Variants in ENTREP2 observed in about 807,000 individuals in gnomAD.
The protein encoded by ENTREP2 is endosomal transmembrane epsin interactor 2.
At chr15:29,641,336 AG>A in the ENTREP2 span, among the ~76,000 whole-genome samples, 1 of 152,208 alleles carries the variant, frequency 6.6e-6, no homozygotes, top group African/African-American at 2.4e-5. Flanking sequence ...ATGAAACAAA[AG>A]TCATCAAAAT....
chr15:29,482,454 T>C, the ENTREP2 span, among the ~76,000 whole-genome samples: 60 of 152,188 alleles, frequency 3.9e-4, no homozygotes, highest in Non-Finnish European at 7.2e-4. Flanking sequence ...CATTGTAGTA[T>C]CTTAAGAGAC....
At chr15:29,570,516 C>T in the ENTREP2 span, 2 of 1,410,668 alleles carry the variant, frequency 1.4e-6, no homozygotes, top group Non-Finnish European at 1.9e-6. Flanking sequence ...GAGAAGCCTG[C>T]CCAGAAGGGG....
the ENTREP2 span, among the ~76,000 whole-genome samples, chr15:29,344,963 C>T: frequency 6.6e-6 from 1 of 151,696 alleles, no homozygotes; most frequent in East Asian, 1.9e-4. Context: ...CACACACACA[C>T]ACACACACGT....
the ENTREP2 span, chr15:29,452,681 T>A: frequency 6.6e-6 from 1 of 152,230 alleles, no homozygotes; most frequent in South Asian, 2.1e-4. Context: ...TCTGCAAGCA[T>A]GCTGCCCAAA....
chr15:29,521,069 G>C, the ENTREP2 span, among the ~76,000 whole-genome samples: 3 of 152,170 alleles, frequency 2.0e-5, no homozygotes, highest in South Asian at 4.1e-4. Flanking sequence ...TGGAGGCACT[G>C]TTGGTTGTCC....
At chr15:29,281,619 C>A in the ENTREP2 span, among the ~76,000 whole-genome samples, 2 of 152,312 alleles carry the variant, frequency 1.3e-5, no homozygotes, top group East Asian at 3.9e-4. Flanking sequence ...GATTCTAGGT[C>A]CTTGAATTTG....
chr15:29,245,467 T>A, the ENTREP2 span, among the ~76,000 whole-genome samples: 6 of 151,564 alleles, frequency 4.0e-5, no homozygotes, highest in Middle Eastern at 6.8e-3. Flanking sequence ...AATACGTAAA[T>A]GAATAAAACC....
the ENTREP2 span, among the ~76,000 whole-genome samples, chr15:29,160,021 G>A: frequency 6.6e-5 from 10 of 152,340 alleles, no homozygotes; most frequent in East Asian, 5.8e-4. Flanking sequence ...CCACGGAGAC[G>A]GGGGAGGCTC....
At chr15:29,411,475 A>C in the ENTREP2 span, among the ~76,000 whole-genome samples, 1 of 152,234 alleles carries the variant, frequency 6.6e-6, no homozygotes, top group Non-Finnish European at 1.5e-5. Flanking sequence ...TTGACCCTAC[A>C]TATGCCCACT....
At chr15:29,254,310 T>G in the ENTREP2 span, among the ~76,000 whole-genome samples, 1 of 152,198 alleles carries the variant, frequency 6.6e-6, no homozygotes, top group African/African-American at 2.4e-5. Flanking sequence ...CTGATAGTTG[T>G]ATAAAACTGA....
the ENTREP2 span, among the ~76,000 whole-genome samples, chr15:29,150,785 A>G: frequency 6.6e-6 from 1 of 152,164 alleles, no homozygotes. Context: ...GGTGAATGAC[A>G]AAGAAGAGCA....
chr15:29,234,683 T>C, the ENTREP2 span: 15 of 1,561,070 alleles, frequency 9.6e-6, no homozygotes, highest in African/African-American at 4.1e-5. Context: ...GTAAGGGTCA[T>C]TGGGTACAGT....
At chr15:29,171,923 T>A in the ENTREP2 span, among the ~76,000 whole-genome samples, 336 of 152,292 alleles carry the variant, frequency 2.2e-3, 3 homozygotes, top group African/African-American at 7.5e-3. Flanking sequence ...TAGAAACCAA[T>A]ACTGACAGAG....
At chr15:29,620,707 A>G in the ENTREP2 span, among the ~76,000 whole-genome samples, 8 of 152,104 alleles carry the variant, frequency 5.3e-5, no homozygotes, top group African/African-American at 1.9e-4. Flanking sequence ...TGATGAGGCC[A>G]AAGAAATAAG....
At chr15:29,172,735 C>T in the ENTREP2 span, among the ~76,000 whole-genome samples, 1 of 152,158 alleles carries the variant, frequency 6.6e-6, no homozygotes, top group African/African-American at 2.4e-5. Context: ...CCACACACCC[C>T]ACATCCAAAT....
chr15:29,477,230 A>G, the ENTREP2 span, among the ~76,000 whole-genome samples: 6 of 152,332 alleles, frequency 3.9e-5, no homozygotes, highest in Admixed American at 2.6e-4. Flanking sequence ...GCTAAAAATC[A>G]GAAGAAAGGT....
At chr15:29,664,494 C>T in the ENTREP2 span, among the ~76,000 whole-genome samples, 292 of 151,540 alleles carry the variant, frequency 1.9e-3, no homozygotes, top group African/African-American at 6.7e-3. Context: ...GATGTTCCCT[C>T]CCTGGGCTGG....
chr15:29,159,136 A>G, the ENTREP2 span, among the ~76,000 whole-genome samples: 1 of 152,136 alleles, frequency 6.6e-6, no homozygotes, highest in Non-Finnish European at 1.5e-5. Flanking sequence ...ACAGCTCTTA[A>G]AGGTGGCGTG....
chr15:29,441,150 C>G, the ENTREP2 span, among the ~76,000 whole-genome samples: 1 of 152,206 alleles, frequency 6.6e-6, no homozygotes, highest in African/African-American at 2.4e-5. Context: ...GAAATTCAGA[C>G]ACATGCCACA....
Sources: gnomAD v4.1 joint callset for allele counts (sites outside exome capture counted in the v4.1 genomes callset) on GRCh38, gnomAD v4.1.1 for gene constraint, MANE v1.5 for transcripts, NCBI Gene and HGNC (gene_info 2026-07-23, HGNC 2026-07-21) for gene names.